The following STRN3 variants were observed in gnomAD, a reference collection of about 807,000 sequenced individuals.
STRN3 encodes striatin 3.
In STRN3, 29 loss-of-function variants were observed where a neutral mutation model predicts 95.6. The observed-to-expected ratio is 0.30, with a 90% CI of 0.23 to 0.41. The LOEUF is 0.41. Among genes scored for constraint, STRN3 ranks in the 10% least tolerant of loss-of-function variants. The probability of loss-of-function intolerance (pLI) is 1.00; values close to 1 mark genes in which losing one functional copy is unlikely to be tolerated. For missense variants in STRN3, 890 were observed against 972.1 expected, an observed-to-expected ratio of 0.92 and a Z score of 1.12; for synonymous variants, 331 against 357.6, an observed-to-expected ratio of 0.93 and a Z score of 0.84.
chr14:31,010,125 T>TA (rs1369951575), intron 1 of STRN3, among the ~76,000 whole-genome samples: 1 of 150,886 alleles, frequency 6.6e-6, no homozygotes, highest in South Asian at 2.1e-4. Context: ...AAAAGTAAAA[T>TA]AAAAAACAAA....
rs774953453 is a variant in STRN3, at chr14:30,950,999, T to C, written c.461-55A>G. 161 of 1,455,704 alleles carry C rather than the reference T, an allele frequency of 1.1e-4. 1 individual carries two copies. Among genetic ancestry groups the C allele is most frequent in the South Asian group, 4.0e-4 (33 of 83,082 alleles). The allele number at this position is 1,455,704 out of a possible 1,614,324, so 90.2% of individuals were successfully genotyped here. On this transcript the variant is annotated intron_variant, in intron 3 of 17. Transcript: ENST00000357479. The stretch of plus-strand genomic sequence containing the variant: ...TACTTTATTTCGACTCCTGAAAATA[T>C]TGCCAAAGTTTTCTTAGGGATAAAT...
rs2138919107 is a variant in STRN3 at position 30,894,868 on chromosome 14, A to G, written c.*543T>C. 1.2e-6 allele frequency: 1 copy of G among 816,288 alleles called. No homozygotes were observed. The highest frequency in any genetic ancestry group is 1.6e-6 in the Non-Finnish European group (1 of 617,208). The allele number at this position is 816,288 out of a possible 1,614,324, so 50.6% of individuals were successfully genotyped here. On this transcript the variant is annotated 3_prime_UTR_variant, in exon 18 of 18. Coordinates refer to ENST00000357479, the MANE Select transcript of STRN3 (RefSeq NM_001083893.2). Reference sequence around the variant, plus strand: ...AACATTTTGTGCAACTAATGCTAAAATATTTTAAGTTAAATTTTCTTTTTC... The same window carrying G: ...AACATTTTGTGCAACTAATGCTAAAGTATTTTAAGTTAAATTTTCTTTTTC...
intron 8 of STRN3, among the ~76,000 whole-genome samples, chr14:30,925,173 T>C (rs772047798): frequency 8.8e-5 from 13 of 147,626 alleles, no homozygotes; most frequent in Non-Finnish European, 1.9e-4. Flanking sequence ...CTGAAGTGGG[T>C]CTACGTTCCA....
chr14:30,997,466 C>T (rs981839816), intron 1 of STRN3, among the ~76,000 whole-genome samples: 22 of 152,130 alleles, frequency 1.4e-4, no homozygotes, highest in African/African-American at 4.6e-4. Context: ...GATTAGAGCC[C>T]GCCAAAGTTA....
intron 8 of STRN3, among the ~76,000 whole-genome samples, chr14:30,919,362 GATATATAT>G (rs149599396): frequency 1.4e-5 from 2 of 146,502 alleles, no homozygotes; most frequent in Non-Finnish European, 3.0e-5. Flanking sequence ...TCTCTAAAGA[GATATATAT>G]ATATATATAT....
At chr14:31,006,277 G>A (rs1882709419) in intron 1 of STRN3, among the ~76,000 whole-genome samples, 1 of 152,122 alleles carries the variant, frequency 6.6e-6, no homozygotes, top group South Asian at 2.1e-4. Flanking sequence ...AATCTAGGCT[G>A]GGTATGGTGG....
chr14:30,911,296 T>A (rs1303406057), intron 12 of STRN3, 134 bp from the exon 13 acceptor site: 203 of 63,220 alleles, frequency 3.2e-3, no homozygotes, highest in South Asian at 5.2e-3. Context: ...TGACTGGTAC[T>A]TTTTTTTTTT....
intron 1 of STRN3, among the ~76,000 whole-genome samples, chr14:30,961,038 A>G (rs1880178659): frequency 6.6e-6 from 1 of 152,106 alleles, no homozygotes; most frequent in South Asian, 2.1e-4. Flanking sequence ...GATTAAGGGG[A>G]GATTTCTTAA....
intron 3 of STRN3, among the ~76,000 whole-genome samples, chr14:30,953,192 C>T (rs1482777016): frequency 6.6e-6 from 1 of 152,092 alleles, no homozygotes; most frequent in Non-Finnish European, 1.5e-5. Context: ...TCTTGAAGTA[C>T]ATCAAGTGTA....
At chr14:30,997,215 G>T (rs966863576) in intron 1 of STRN3, among the ~76,000 whole-genome samples, 9 of 152,036 alleles carry the variant, frequency 5.9e-5, no homozygotes, top group African/African-American at 2.2e-4. Context: ...AATGGGAGGG[G>T]GACATGAGCA....
intron 1 of STRN3, among the ~76,000 whole-genome samples, chr14:31,024,045 G>C (rs1462367601): frequency 6.6e-6 from 1 of 152,154 alleles, no homozygotes; most frequent in Non-Finnish European, 1.5e-5. Context: ...CTGTTAAGGA[G>C]ACCTAGAAGG....
chr14:30,962,262 A>T (rs1880246515), intron 1 of STRN3, among the ~76,000 whole-genome samples: 1 of 152,246 alleles, frequency 6.6e-6, no homozygotes, highest in African/African-American at 2.4e-5. Context: ...ATAGCTGTAC[A>T]ATGTGCTTGT....
At position 30,934,302 on chromosome 14, in the gene STRN3, G is replaced by A. The variant is rs146923827; in HGVS notation, c.988+861C>T. 3.0e-3 allele frequency among the ~76,000 whole-genome samples: 455 copies of A among 152,172 alleles called. 4 individuals are homozygous for A. The highest frequency in any genetic ancestry group is 0.01 in the African/African-American group (421 of 41,520). On this transcript the variant is annotated intron_variant, in intron 7 of 17. Transcript: ENST00000357479. The stretch of plus-strand genomic sequence containing the variant: ...TTGCACCACTGCATTGCAGCCTGGC[G>A]ACAGAGCGAGACTCTGTCTCAAAAA...
At chr14:30,926,723 T>C (rs1356503357) in intron 8 of STRN3, among the ~76,000 whole-genome samples, 2 of 152,076 alleles carry the variant, frequency 1.3e-5, no homozygotes, top group Non-Finnish European at 2.9e-5. Context: ...AAAAAACAGA[T>C]ATGAAATCAA....
At chr14:30,967,321 A>C (rs1410023277) in intron 1 of STRN3, among the ~76,000 whole-genome samples, 1 of 151,758 alleles carries the variant, frequency 6.6e-6, no homozygotes, top group African/African-American at 2.4e-5. Flanking sequence ...AAAGAGGCAG[A>C]GAGACAGAGA....
intron 1 of STRN3, among the ~76,000 whole-genome samples, chr14:31,003,682 A>G (rs1012245315): frequency 6.6e-6 from 1 of 152,116 alleles, no homozygotes; most frequent in Non-Finnish European, 1.5e-5. Flanking sequence ...TGAACTTGCC[A>G]ACCAACAGAA....
In STRN3 at chr14:31,020,906, G is replaced by GA. The variant is rs879655124; in HGVS notation, c.282+4997dup. Among the ~76,000 whole-genome samples, 123 of 143,228 alleles carry GA rather than the reference G, an allele frequency of 8.6e-4. 1 individual carries two copies. The highest frequency in any genetic ancestry group is 7.0e-3 in the South Asian group (32 of 4,560). 94.0% of individuals were successfully genotyped at this position (143,228 alleles called of 152,430 possible). Reference sequence around the variant, plus strand: ...CGGCAACAGAGTAGGACGCTCTCTTGAAAAAAAAAAAAATTATTTCTAGAG... The same window carrying GA: ...CGGCAACAGAGTAGGACGCTCTCTTGAAAAAAAAAAAAAATTATTTCTAGAG... On this transcript the variant is annotated intron_variant, in intron 1 of 17. Transcript: ENST00000357479.
rs934562055 is a variant in STRN3, at chr14:30,947,246, C to T, written c.560G>A (p.Gly187Asp). The T allele has an allele frequency of 2.1e-5, 33 of 1,592,102 alleles. No individual in the cohort carries two copies. The highest frequency in any genetic ancestry group is 2.6e-5 in the Non-Finnish European group (31 of 1,172,764). ...TACATCTAATATTGTATCTGTATAA[C>T]CTACTTCCTGAAGATACCTGTAAGA... ...QLLRQYLQEV[G>D]YTDTILDVRS... Residue 187 changes from glycine to aspartate, a missense_variant, in exon 5 of 18, where the codon GGT becomes GAT. Transcript: ENST00000357479.
chr14:30,944,610 TATATATACACA>T (rs1422173535), intron 5 of STRN3, among the ~76,000 whole-genome samples: 2 of 127,828 alleles, frequency 1.6e-5, no homozygotes, highest in Non-Finnish European at 3.2e-5. Context: ...TATATACACA[TATATATACACA>T]TTTTTTTTTT....
Sources: allele counts gnomAD v4.1 joint callset (sites outside exome capture counted in the v4.1 genomes callset), GRCh38; gene constraint gnomAD v4.1.1; transcripts MANE v1.5; gene names NCBI Gene and HGNC (gene_info 2026-07-23, HGNC 2026-07-21).